TECR: variants seen among roughly 807,000 people sequenced by gnomAD.
TECR encodes the protein very-long-chain enoyl-CoA reductase.
A neutral mutation model predicts 50.6 loss-of-function variants in TECR; 19 were observed. The observed-to-expected ratio is 0.38, with a 90% CI of 0.26 to 0.55. The LOEUF (loss-of-function observed/expected upper bound fraction) is 0.55. Ranked by LOEUF, TECR falls within the 20% of genes least tolerant of loss-of-function variation. The pLI is 0.79. For synonymous variants in TECR, 168 were observed against 163.5 expected, an observed-to-expected ratio of 1.03 and a Z score of -0.21; for missense variants, 313 against 408.3, an observed-to-expected ratio of 0.77 and a Z score of 2.01.
intron 1 of TECR, 26 bp downstream of exon 1, chr19:14,529,737 G>A: frequency 6.2e-7 from 1 of 1,614,010 alleles, no homozygotes; most frequent in Non-Finnish European, 8.5e-7. Flanking sequence ...CAGGGGCCGT[G>A]TGGCCACTGC....
rs548520412 is a variant in TECR at position 14,555,029 on chromosome 19, C to T, written c.16-7496C>T. Among the ~76,000 whole-genome samples, 38 of 151,440 alleles carry T rather than the reference C, an allele frequency of 2.5e-4. 3 individuals are homozygous for T. In the South Asian group the frequency reaches 5.7e-3, roughly 23 times the overall value. On this transcript the variant is annotated intron_variant, in intron 1 of 12. Transcript: ENST00000215567. ...CTTGACCTTGTGATCTGCCCACGTC[C>T]GCCTCCCAGAGTGCTGGGATTACAG...
chr19:14,561,660 T>C (rs886315714), intron 1 of TECR, among the ~76,000 whole-genome samples: 2 of 152,024 alleles, frequency 1.3e-5, no homozygotes, highest in African/African-American at 2.4e-5. Flanking sequence ...GGGAGGAAGG[T>C]TGGGGAGACC....
intron 1 of TECR, among the ~76,000 whole-genome samples, chr19:14,561,060 G>C (rs771184954): frequency 6.6e-6 from 1 of 152,142 alleles, no homozygotes; most frequent in Non-Finnish European, 1.5e-5. Flanking sequence ...AGGCCACCAA[G>C]CCCCCTTGTC....
intron 1 of TECR, among the ~76,000 whole-genome samples, chr19:14,560,085 C>T (rs1486715796): frequency 6.6e-6 from 1 of 152,202 alleles, no homozygotes; most frequent in South Asian, 2.1e-4. Flanking sequence ...GCCTGGGCAC[C>T]ACTGCTGCAG....
upstream of TECR, chr19:14,529,253 C>G: frequency 3.2e-6 from 1 of 314,318 alleles, no homozygotes; most frequent in Non-Finnish European, 6.3e-6. Flanking sequence ...GTGGATGCTG[C>G]CTTGCCTGTC....
chr19:14,538,800 G>A (rs1372688931), intron 1 of TECR, among the ~76,000 whole-genome samples: 3 of 151,878 alleles, frequency 2.0e-5, no homozygotes, highest in African/African-American at 7.3e-5. Context: ...CAAAGTGCTG[G>A]GATTATAGGC....
At chr19:14,542,562 A>G (rs758771912) in intron 1 of TECR, among the ~76,000 whole-genome samples, 15 of 151,792 alleles carry the variant, frequency 9.9e-5, no homozygotes, top group East Asian at 1.9e-4. Context: ...TTGTTTTACT[A>G]TATTGGCTAG....
At chr19:14,557,773 T>C (rs903782802) in intron 1 of TECR, among the ~76,000 whole-genome samples, 1 of 150,746 alleles carries the variant, frequency 6.6e-6, no homozygotes, top group African/African-American at 2.4e-5. Context: ...TCTTTTTTTT[T>C]GAGATGGAGT....
At chr19:14,534,463 T>C (rs372686119) in intron 1 of TECR, among the ~76,000 whole-genome samples, 27 of 111,066 alleles carry the variant, frequency 2.4e-4, no homozygotes, top group African/African-American at 9.2e-4. Flanking sequence ...TGTGACAGAG[T>C]CTCGCTCTGT....
intron 1 of TECR, among the ~76,000 whole-genome samples, chr19:14,543,420 T>TATATATA (rs1491174243): frequency 1.8e-4 from 1 of 5,522 alleles, no homozygotes; most frequent in African/African-American, 5.0e-4. Context: ...TATATATATA[T>TATATATA]TTTTTTTTTT....
chr19:14,562,278 G>C (rs543872996), intron 1 of TECR: 2 of 612,326 alleles, frequency 3.3e-6, no homozygotes, highest in Admixed American at 2.9e-5. Flanking sequence ...ATTTGATCGC[G>C]CTTGCCCGGC....
chr19:14,558,240 C>T lies in TECR; in HGVS notation c.16-4285C>T, dbSNP rs115471132. Reference sequence around the variant, plus strand: ...TTCTCTGGGTTGTTCACCCACCAGGCGGGCGGGTTCCCAGGAGCTGTGACA... The same window carrying T: ...TTCTCTGGGTTGTTCACCCACCAGGTGGGCGGGTTCCCAGGAGCTGTGACA... On this transcript the variant is annotated intron_variant, in intron 1 of 12. Transcript: ENST00000215567. Among the ~76,000 whole-genome samples the T allele has an allele frequency of 6.1e-3, 929 of 152,266 alleles. 8 individuals carry two copies. Among genetic ancestry groups the T allele is most frequent in the African/African-American group, 0.021 (873 of 41,546 alleles).
intron 1 of TECR, among the ~76,000 whole-genome samples, chr19:14,537,840 G>C (rs573581188): frequency 8.7e-5 from 13 of 149,366 alleles, no homozygotes; most frequent in African/African-American, 2.9e-4. Flanking sequence ...CCGCCTCCCG[G>C]GTTCAGGCGA....
At position 14,563,915 on chromosome 19, in the gene TECR, C is replaced by A; in HGVS notation, c.267+12C>A. 6.2e-7 allele frequency: 1 copy of A among 1,614,044 alleles called. No homozygotes were observed. Among genetic ancestry groups the A allele is most frequent in the Non-Finnish European group, 8.5e-7 (1 of 1,179,922 alleles). ...TCAGCTGGGTGACGGTGAGTCCTGA[C>A]CCTACCCACGGCCTCTTTTCCCGTC... is the stretch of plus-strand genomic sequence containing the variant. On this transcript the variant is annotated intron_variant, in intron 5 of 12. Transcript: ENST00000215567. The surrounding 1 kb of genome is among the most constrained non-coding windows in gnomAD (Gnocchi z 5.3).
chr19:14,557,711 C>T (rs2073779613), intron 1 of TECR, among the ~76,000 whole-genome samples: 1 of 151,450 alleles, frequency 6.6e-6, no homozygotes. Flanking sequence ...CTTGGCCTCC[C>T]AAAGTGCTAG....
intron 2 of TECR, among the ~76,000 whole-genome samples, 168 bp downstream of exon 2, chr19:14,562,743 C>T (rs929214411): frequency 2.6e-5 from 4 of 152,024 alleles, no homozygotes; most frequent in Admixed American, 1.3e-4. Flanking sequence ...CTGGGTGTGG[C>T]GGGGAAATGG....
intron 1 of TECR, among the ~76,000 whole-genome samples, chr19:14,549,033 G>A (rs140928354): frequency 6.6e-6 from 1 of 151,272 alleles, no homozygotes; most frequent in Non-Finnish European, 1.5e-5. Flanking sequence ...TTTTCCATCC[G>A]CTTAAAAAGG....
chr19:14,560,084 C>T (rs1599489801), intron 1 of TECR, among the ~76,000 whole-genome samples: 2 of 152,184 alleles, frequency 1.3e-5, no homozygotes, highest in Admixed American at 1.3e-4. Flanking sequence ...GGCCTGGGCA[C>T]CACTGCTGCA....
At chr19:14,546,410 A>C (rs913624798) in intron 1 of TECR, among the ~76,000 whole-genome samples, 6 of 152,066 alleles carry the variant, frequency 3.9e-5, no homozygotes, top group African/African-American at 1.4e-4. Flanking sequence ...AACATGCTGA[A>C]ACCCCTCTTC....
Sources: gnomAD v4.1 joint callset for allele counts (sites outside exome capture counted in the v4.1 genomes callset) on GRCh38, gnomAD v4.1.1 for gene constraint, Gnocchi (gnomAD v3.1) non-coding constraint, MANE v1.5 for transcripts, NCBI Gene and HGNC (gene_info 2026-07-23, HGNC 2026-07-21) for gene names.